Variants in USP25 observed in about 807,000 individuals in gnomAD.
USP25 encodes the protein ubiquitin carboxyl-terminal hydrolase 25.
A neutral mutation model predicts 158.5 loss-of-function variants in USP25; 85 were observed. That is an observed-to-expected ratio of 0.54 (90% confidence interval 0.45 to 0.64). USP25 has a LOEUF of 0.64. Ranked by LOEUF, USP25 falls within the 30% of genes least tolerant of loss-of-function variation. The probability of loss-of-function intolerance (pLI) is 0.00; values close to 1 mark genes in which losing one functional copy is unlikely to be tolerated. For synonymous variants in USP25, 464 were observed against 460.4 expected (o/e 1.01, Z -0.10); for missense variants, 1,242 against 1,327.3 (o/e 0.94, Z 1.00).
At chr21:15,860,963 T>C (rs2039397893) in intron 20 of USP25, among the ~76,000 whole-genome samples, 1 of 140,810 alleles carries the variant, frequency 7.1e-6, no homozygotes, top group South Asian at 2.2e-4. Context: ...CATATATATA[T>C]ATATATATAT....
At chr21:15,859,259 C>A (rs541829468) in intron 20 of USP25, among the ~76,000 whole-genome samples, 1 of 151,014 alleles carries the variant, frequency 6.6e-6, no homozygotes, top group Non-Finnish European at 1.5e-5. Flanking sequence ...GTGGTGCCAT[C>A]TTGGCTCACT....
At chr21:15,796,096 A>G (rs1454168277) in intron 5 of USP25, among the ~76,000 whole-genome samples, 3 of 151,578 alleles carry the variant, frequency 2.0e-5, no homozygotes, top group African/African-American at 7.3e-5. Context: ...TTAGCTTTGG[A>G]CTGAATGAAA....
chr21:15,778,830 A>G (rs2034802188), intron 4 of USP25, among the ~76,000 whole-genome samples: 1 of 152,122 alleles, frequency 6.6e-6, no homozygotes, highest in Non-Finnish European at 1.5e-5. Context: ...TGAAGAAGAA[A>G]TTTACTTGCA....
intron 9 of USP25, among the ~76,000 whole-genome samples, chr21:15,818,482 T>C (rs539647345): frequency 1.7e-4 from 26 of 152,266 alleles, no homozygotes; most frequent in African/African-American, 6.0e-4. Context: ...TGTGTGTATA[T>C]AATTACATAT....
intron 5 of USP25, among the ~76,000 whole-genome samples, chr21:15,798,342 A>G (rs1249761766): frequency 6.6e-6 from 1 of 151,324 alleles, no homozygotes; most frequent in Non-Finnish European, 1.5e-5. Flanking sequence ...TCCGCAGTTT[A>G]TTAGAATACA....
At chr21:15,804,578 C>T (rs917774089) in intron 6 of USP25, among the ~76,000 whole-genome samples, 4 of 151,852 alleles carry the variant, frequency 2.6e-5, no homozygotes, top group Admixed American at 6.6e-5. Context: ...CAGTGACAGT[C>T]GGTGATTCAT....
chr21:15,870,076 T>C lies in USP25; in HGVS notation c.2814T>C (p.His938=). ...TTTTCTTTCACCTACAGGAGTGGCA[T>C]CAGGATTATAGGAAATTCAGGGAAA... is the stretch of plus-strand genomic sequence containing the variant. ...EVNLEEYEEW[H]QDYRKFRETT... Residue 938 remains histidine (H), a synonymous_variant, in exon 23 of 26, where the codon CAT becomes CAC. Coordinates refer to ENST00000400183, the MANE Select transcript of USP25 (RefSeq NM_001283041.3). 1 of 1,606,702 alleles carries C rather than the reference T, an allele frequency of 6.2e-7. No individual in the cohort carries two copies. The highest frequency in any genetic ancestry group is 8.5e-7 in the Non-Finnish European group (1 of 1,176,732).
chr21:15,733,413 C>G (rs898047779), intron 1 of USP25, among the ~76,000 whole-genome samples: 2 of 152,020 alleles, frequency 1.3e-5, no homozygotes, highest in African/African-American at 4.8e-5. Flanking sequence ...TGTTTCCTAA[C>G]TGAATCTTGG....
chr21:15,746,189 A>G (rs1466783241), intron 1 of USP25, among the ~76,000 whole-genome samples: 2 of 152,156 alleles, frequency 1.3e-5, no homozygotes, highest in African/African-American at 4.8e-5. Flanking sequence ...ATTTCCATAT[A>G]CAATTCTGAG....
chr21:15,807,971 A>G (rs185192599), intron 7 of USP25, among the ~76,000 whole-genome samples: 19 of 152,344 alleles, frequency 1.2e-4, no homozygotes, highest in Middle Eastern at 3.4e-3. Context: ...TTTAGTTTCA[A>G]CATTTTTTTG....
chr21:15,730,806 G>A (rs983835110), intron 1 of USP25, among the ~76,000 whole-genome samples: 2 of 152,124 alleles, frequency 1.3e-5, no homozygotes, highest in African/African-American at 4.8e-5. Context: ...AACCGATTTT[G>A]TCTTTCAAAG....
intron 4 of USP25, among the ~76,000 whole-genome samples, chr21:15,778,813 A>G (rs961733205): frequency 2.6e-5 from 4 of 152,158 alleles, no homozygotes; most frequent in Non-Finnish European, 4.4e-5. Flanking sequence ...TGGTAACTCT[A>G]TGTTACTGAA....
chr21:15,841,848 A>ATTCC (rs2038349842), intron 17 of USP25, among the ~76,000 whole-genome samples: 3 of 152,094 alleles, frequency 2.0e-5, no homozygotes, highest in African/African-American at 4.8e-5. Context: ...TTGGATATAT[A>ATTCC]AGTCTGGAAC....
intron 1 of USP25, among the ~76,000 whole-genome samples, chr21:15,746,881 T>C (rs2032602256): frequency 6.6e-6 from 1 of 152,244 alleles, no homozygotes; most frequent in Admixed American, 6.5e-5. Context: ...ATAGAAGTGG[T>C]AATGACAGAC....
At chr21:15,733,160 C>A (rs942481937) in intron 1 of USP25, among the ~76,000 whole-genome samples, 6 of 116,384 alleles carry the variant, frequency 5.2e-5, no homozygotes, top group Admixed American at 4.7e-4. Context: ...ATCTATCTAA[C>A]CCGATGAACC....
At chr21:15,736,381 G>A (rs1380784545) in intron 1 of USP25, among the ~76,000 whole-genome samples, 1 of 151,932 alleles carries the variant, frequency 6.6e-6, no homozygotes, top group African/African-American at 2.4e-5. Context: ...GTTTCTCTTT[G>A]TATTTCTAAT....
In USP25 at chr21:15,878,200, A is replaced by T. The variant is rs541274767; in HGVS notation, c.3206-103A>T. On this transcript the variant is annotated intron_variant, in intron 25 of 25. Coordinates refer to ENST00000400183, the MANE Select transcript of USP25 (RefSeq NM_001283041.3). ...TATGTTTTTGTCTCCCCAAAATGGC[A>T]ATTATCTTACCTATTAGAGTAAGTT... The T allele has an allele frequency of 2.3e-3, 3,379 of 1,439,662 alleles. 8 individuals are homozygous for T. Among genetic ancestry groups the T allele is most frequent in the Non-Finnish European group, 2.9e-3 (3,170 of 1,076,762 alleles). 89.2% of individuals were successfully genotyped at this position (1,439,662 alleles called of 1,614,324 possible).
At chr21:15,741,487 T>A (rs1040396245) in intron 1 of USP25, among the ~76,000 whole-genome samples, 14 of 152,186 alleles carry the variant, frequency 9.2e-5, no homozygotes, top group African/African-American at 1.4e-4. Flanking sequence ...TGGTCTACAT[T>A]TTTGCCAACA....
chr21:15,818,641 T>C, intron 9 of USP25, 57 bp from the exon 10 acceptor site: 2 of 1,479,650 alleles, frequency 1.4e-6, no homozygotes, highest in Middle Eastern at 1.8e-4. Context: ...TACGTACTCT[T>C]AATTTTAGTA....
Sources: allele counts gnomAD v4.1 joint callset (sites outside exome capture counted in the v4.1 genomes callset), GRCh38; gene constraint gnomAD v4.1.1; transcripts MANE v1.5; gene names NCBI Gene and HGNC (gene_info 2026-07-23, HGNC 2026-07-21).